ABCA7: variants seen among roughly 807,000 people sequenced by gnomAD.
ABCA7 encodes ATP binding cassette subfamily A member 7, also known as phospholipid-transporting ATPase ABCA7.
In ABCA7, 261 loss-of-function variants were observed where a neutral mutation model predicts 227.6. That is an observed-to-expected ratio of 1.15 (90% CI 1.04 to 1.27). The LOEUF is 1.27. ABCA7 is among the 50% of genes most tolerant of loss of function. The probability of loss-of-function intolerance (pLI) is 0.00; values close to 1 mark genes in which losing one functional copy is unlikely to be tolerated. For synonymous variants in ABCA7, 1,488 were observed against 1,279.7 expected (o/e 1.16, Z -3.47); for missense variants, 3,331 against 2,924.5 (o/e 1.14, Z -3.21).
rs749842082 is a variant in ABCA7, at chr19:1,056,459, C to T, written c.4546C>T (p.Pro1516Ser). 2 of 1,613,652 alleles carry T rather than the reference C, an allele frequency of 1.2e-6. No homozygotes were observed. Among genetic ancestry groups the T allele is most frequent in the Admixed American group, 3.3e-5 (2 of 60,006 alleles). ...HAHSITTLNH[P>S]LNLTKEQLSE... is the part of the protein sequence containing the mutation. ...CCACAGCATCACCACACTCAACCAC[C>T]CCTTGAACCTCACCAAGGAGCAGCT... The change falls in exon 33 of 47, where the codon CCC becomes TCC. Residue 1516 changes from proline (P) to serine (S), a missense_variant. Pro to Ser is a moderately conservative substitution (Grantham distance 74). Transcript: ENST00000263094. This position sits in a 1 kb window ranked among gnomAD's most constrained non-coding sequence, Gnocchi z 4.3.
rs774686541 is a variant in ABCA7 at position 1,065,375 on chromosome 19, C to A, written c.6391C>A (p.Arg2131Ser). 2 of 1,613,596 alleles carry A rather than the reference C, an allele frequency of 1.2e-6. No individual in the cohort carries two copies. The highest frequency in any genetic ancestry group is 1.1e-5 in the South Asian group (1 of 91,086). Residue 2131 changes from arginine (R) to serine (S), a missense_variant, in exon 47 of 47, where the codon CGC (arginine) becomes AGC (serine). Transcript: ENST00000263094. ...DPAPGLQHPK[R>S]VSQFLDDPST... ...CGCGCCAGGCCTGCAGCACCCCAAA[C>A]GCGTCAGCCAGTTCCTCGATGACCC...
At chr19:1,049,150 G>T in intron 17 of ABCA7, 116 bp from the exon 18 acceptor site, 2 of 1,280,756 alleles carry the variant, frequency 1.6e-6, no homozygotes, top group Non-Finnish European at 2.2e-6. Flanking sequence ...CCAAGCTCCC[G>T]CAGCTTTTAT....
At chr19:1,062,992 G>A (rs1434168768) in intron 42 of ABCA7, among the ~76,000 whole-genome samples, 67 of 108,242 alleles carry the variant, frequency 6.2e-4, no homozygotes, top group Non-Finnish European at 8.7e-4. Flanking sequence ...CCATGGCCCC[G>A]CCCCATACTC....
At position 1,042,315 on chromosome 19, in the gene ABCA7, C is replaced by T. The variant is rs1191306075; in HGVS notation, c.416C>T (p.Ala139Val). ...ATGCTCCCGTGCGCTCCTCCCCCAG[C>T]CCAGCCTCAACCAACCAAGCAGTCT... ...IATLRAARST[A>V]QPQPTKQSPL... is the part of the protein sequence containing the mutation. The change falls in exon 6 of 47, where the codon GCC (alanine) becomes GTC (valine). Residue 139 changes from alanine to valine, a missense_variant and splice_region_variant. By Grantham distance (64) the Ala-to-Val change is moderately conservative. Transcript: ENST00000263094. 3 of 1,576,186 alleles carry T rather than the reference C, an allele frequency of 1.9e-6. No individual in the cohort carries two copies. In the East Asian group the frequency reaches 6.8e-5, roughly 36 times the overall value.
rs567421963 is a variant in ABCA7 at position 1,051,871 on chromosome 19, T to G, written c.2963-71T>G. 141 of 1,568,232 alleles carry G rather than the reference T, an allele frequency of 9.0e-5. 1 individual carries two copies. In the South Asian group the frequency reaches 1.3e-3, roughly 14 times the overall value. ...TTTGCTTCATGGGGCAGACAACTCC[T>G]GGCAGAGGCCCCAGCTCGGGCAAAG... is the stretch of plus-strand genomic sequence containing the variant. On this transcript the variant is annotated intron_variant, in intron 21 of 46. Transcript: ENST00000263094.
chr19:1,055,133 G>T lies in ABCA7; in HGVS notation c.3987G>T (p.Lys1329Asn). ...SAPEVPAEVAKVLASGNWTPE... is the reference protein window; with the variant it reads ...SAPEVPAEVANVLASGNWTPE... Reference sequence around the variant, plus strand: ...CAGAAGTTCCTGCTGAAGTGGCCAAGGTCTTGGCCAGTGGCAACTGGACCC... The same window carrying T: ...CAGAAGTTCCTGCTGAAGTGGCCAATGTCTTGGCCAGTGGCAACTGGACCC... Residue 1329 changes from lysine to asparagine, a missense_variant, in exon 30 of 47, where the codon AAG becomes AAT. Lys to Asn is a moderately conservative substitution (Grantham distance 94). Transcript: ENST00000263094. 6.2e-7 allele frequency: 1 copy of T among 1,612,968 alleles called. No homozygotes were observed. The highest frequency in any genetic ancestry group is 8.5e-7 in the Non-Finnish European group (1 of 1,179,886).
At position 1,062,235 on chromosome 19, in the gene ABCA7, C is replaced by A. The variant is rs372142602; in HGVS notation, c.5634C>A (p.Ile1878=). ...GATACTGCCCTCAATCCGATGCCAT[C>A]TTTGAGCTGCTGACGGGCCGCGAGC... ...SMGYCPQSDA[I]FELLTGREHL... Residue 1878 remains isoleucine, a synonymous_variant, in exon 42 of 47, where the codon ATC becomes ATA. Transcript: ENST00000263094. 6.2e-7 allele frequency: 1 copy of A among 1,612,330 alleles called. No homozygotes were observed. The highest frequency in any genetic ancestry group is 2.2e-5 in the East Asian group (1 of 44,874).
At chr19:1,052,405 T>A (rs115056103) in intron 23 of ABCA7, 119 bp downstream of exon 23, 104,600 of 314,072 alleles carry the variant, frequency 0.33, 25,076 homozygotes, top group African/African-American at 0.53. Context: ...GCAGAGGAGG[T>A]TGAGGCGGAG....
Position 1,042,090 on chromosome 19 carries a change from G to T in ABCA7, c.329G>T (p.Arg110Leu). Residue 110 changes from arginine (R) to leucine (L), a missense_variant, in exon 5 of 47, where the codon CGC becomes CTC. Coordinates refer to ENST00000263094, the MANE Select transcript of ABCA7 (RefSeq NM_019112.4). ...SLVSRLLADA[R>L]TVLGGASAHR... ...GTCTCCCGGCTGCTAGCCGATGCCC[G>T]CACTGTGCTGGGAGGGGCCAGTGCC... 1 of 1,596,892 alleles carries T rather than the reference G, an allele frequency of 6.3e-7. No individual in the cohort carries two copies. Among genetic ancestry groups the T allele is most frequent in the Non-Finnish European group, 8.5e-7 (1 of 1,178,118 alleles).
At chr19:1,040,844 G>T (rs2144661419) in intron 1 of ABCA7, among the ~76,000 whole-genome samples, 1 of 152,256 alleles carries the variant, frequency 6.6e-6, no homozygotes, top group South Asian at 2.1e-4. Context: ...AGAGTGGGGT[G>T]ATAGTCCAGC....
In ABCA7 at chr19:1,057,349, C is replaced by T. The variant is rs770657899; in HGVS notation, c.4800C>T (p.Leu1600=). 4 of 1,613,970 alleles carry T rather than the reference C, an allele frequency of 2.5e-6. No homozygotes were observed. The highest frequency in any genetic ancestry group is 2.2e-5 in the East Asian group (1 of 44,888). ...TGGTGCCAGCATGCATCGTGGTGCT[C>T]ATCTTTCTGGCCTTCCAGCAGAGGG... is the stretch of plus-strand genomic sequence containing the variant. ...NYLVPACIVV[L]IFLAFQQRAY... Residue 1600 remains leucine (L), a synonymous_variant, in exon 35 of 47, where the codon CTC becomes CTT. Coordinates refer to ENST00000263094, the MANE Select transcript of ABCA7 (RefSeq NM_019112.4).
In ABCA7 at chr19:1,041,273, G is replaced by C; in HGVS notation, c.-89G>C. On this transcript the variant is annotated 5_prime_UTR_variant, in exon 2 of 47. Transcript: ENST00000263094. ...GGGATAAAGGAATGAGGTTCAGAAA[G>C]GGGCAGGGAGTTGCCCGCAGCCGCA... 1 of 1,303,024 alleles carries C rather than the reference G, an allele frequency of 7.7e-7. No homozygotes were observed. Among genetic ancestry groups the C allele is most frequent in the Non-Finnish European group, 1.1e-6 (1 of 901,614 alleles). The allele number at this position is 1,303,024 out of a possible 1,614,324, so 80.7% of individuals were successfully genotyped here.
rs149023827 is a variant in ABCA7, at chr19:1,043,748, C to T, written c.954C>T (p.Leu318=). 4,035 of 1,613,030 alleles carry T rather than the reference C, an allele frequency of 2.5e-3. 6 individuals are homozygous for T. Among genetic ancestry groups the T allele is most frequent in the Non-Finnish European group, 3.2e-3 (3,762 of 1,179,960 alleles). Residue 318 remains leucine, a synonymous_variant, in exon 10 of 47, where the codon CTC becomes CTT. Coordinates refer to ENST00000263094, the MANE Select transcript of ABCA7 (RefSeq NM_019112.4). Reference sequence around the variant, plus strand: ...AGGTGAACCGGACCTTCGAGGAGCTCACCCTGCTGAGGGATGTCCGGGAGG... The same window carrying T: ...AGGTGAACCGGACCTTCGAGGAGCTTACCCTGCTGAGGGATGTCCGGGAGG... ...MAQVNRTFEE[L]TLLRDVREVW...
Position 1,046,875 on chromosome 19 carries a change from G to A in ABCA7, c.1696G>A (p.Val566Met). The change falls in exon 14 of 47, where the codon GTG becomes ATG. Residue 566 changes from valine (V) to methionine (M), a missense_variant. Coordinates refer to ENST00000263094, the MANE Select transcript of ABCA7 (RefSeq NM_019112.4). Reference sequence around the variant, plus strand: ...CTGGATCTACTCCGTGACACTGACAGTGAAGGCCGTGGTGCGGGAGAAGGA... The same window carrying A: ...CTGGATCTACTCCGTGACACTGACAATGAAGGCCGTGGTGCGGGAGAAGGA... ...LAWIYSVTLTVKAVVREKETR... is the reference protein window; with the variant it reads ...LAWIYSVTLTMKAVVREKETR... 1 of 1,546,420 alleles carries A rather than the reference G, an allele frequency of 6.5e-7. No individual in the cohort carries two copies. The highest frequency in any genetic ancestry group is 8.7e-7 in the Non-Finnish European group (1 of 1,150,588).
Position 1,054,111 on chromosome 19 carries a change from G to C in ABCA7, c.3577+1G>C, listed in dbSNP as rs373195428. 1.1e-5 allele frequency: 18 copies of C among 1,613,192 alleles called. No homozygotes were observed. In the Middle Eastern group the frequency reaches 5.0e-4, roughly 44 times the overall value. ...ACAGCGCTGGAGAACGGGGAACCAG[G>C]TAAGTCCTTCCCAGTGGCCCTGGGG... is the stretch of plus-strand genomic sequence containing the variant. On this transcript the variant is annotated splice_donor_variant, in intron 26 of 46. Transcript: ENST00000263094. LOFTEE classifies it high-confidence loss of function. This position sits in a 1 kb window ranked among gnomAD's most constrained non-coding sequence, Gnocchi z 4.8.
Position 1,048,888 on chromosome 19 carries a change from CCCG to C in ABCA7, c.2270-5_2270-3del, listed in dbSNP as rs755379957. On this transcript the variant is annotated splice_polypyrimidine_tract_variant and splice_region_variant and intron_variant, in intron 16 of 46. Transcript: ENST00000263094. ...GGCTAAGCAATAACCCGCGCCCCTC[CCCG>C]CAGGCCAGTACGGGATCCCTGAACC... is the stretch of plus-strand genomic sequence containing the variant. The C allele has an allele frequency of 2.5e-6, 4 of 1,582,038 alleles. No individual in the cohort carries two copies. The highest frequency in any genetic ancestry group is 8.6e-7 in the Non-Finnish European group (1 of 1,160,248).
Position 1,043,794 on chromosome 19 carries a change from C to G in ABCA7, c.1000C>G (p.Arg334Gly), listed in dbSNP as rs146086314. The change falls in exon 10 of 47, where the codon CGG becomes GGG. Residue 334 changes from arginine to glycine, a missense_variant. By Grantham distance (125) the Arg-to-Gly change is moderately radical. Coordinates refer to ENST00000263094, the MANE Select transcript of ABCA7 (RefSeq NM_019112.4). Reference protein sequence around the residue: ...VREVWEMLGPRIFTFMNDSSN... With the variant: ...VREVWEMLGPGIFTFMNDSSN... Reference sequence around the variant, plus strand: ...GGAGGTGTGGGAGATGCTGGGACCCCGGATCTTCACCTTCATGAACGACAG... The same window carrying G: ...GGAGGTGTGGGAGATGCTGGGACCCGGGATCTTCACCTTCATGAACGACAG... 1.9e-6 allele frequency: 3 copies of G among 1,612,270 alleles called. No homozygotes were observed. Among genetic ancestry groups the G allele is most frequent in the Non-Finnish European group, 2.5e-6 (3 of 1,179,754 alleles).
chr19:1,042,962 G>A, intron 7 of ABCA7, 79 bp from the exon 8 acceptor site: 1 of 1,519,970 alleles, frequency 6.6e-7, no homozygotes, highest in Non-Finnish European at 8.9e-7. Flanking sequence ...GGGAGAGGCT[G>A]CCCCTGGCCC....
rs371433266 is a variant in ABCA7, at chr19:1,053,370, G to A, written c.3262G>A (p.Gly1088Arg). The A allele has an allele frequency of 3.5e-5, 57 of 1,609,182 alleles. No individual in the cohort carries two copies. The highest frequency in any genetic ancestry group is 2.1e-4 in the Middle Eastern group (1 of 4,680). Residue 1088 changes from glycine to arginine, a missense_variant, in exon 24 of 47, where the codon GGG (glycine) becomes AGG (arginine). Physicochemically the swap from Gly to Arg is moderately radical, Grantham distance 125. Transcript: ENST00000263094. ...LLALVQHWVP[G>R]ARLVEELPHE... ...GGCCCTGGTACAGCACTGGGTGCCC[G>A]GGGCACGGCTGGTGGAGGAGCTGCC... is the stretch of plus-strand genomic sequence containing the variant.
Sources: gnomAD v4.1 joint callset for allele counts (sites outside exome capture counted in the v4.1 genomes callset) on GRCh38, gnomAD v4.1.1 for gene constraint, Gnocchi (gnomAD v3.1) non-coding constraint, MANE v1.5 for transcripts, NCBI Gene and HGNC (gene_info 2026-07-23, HGNC 2026-07-21) for gene names.